Variants in HPSE2 observed in about 807,000 individuals in gnomAD.
HPSE2 encodes heparanase 2 (inactive), also known as inactive heparanase-2.
Under a neutral mutation model 60.5 loss-of-function variants are expected in HPSE2, and 38 were observed. The observed-to-expected ratio is 0.63, with a 90% CI of 0.48 to 0.82. The LOEUF (loss-of-function observed/expected upper bound fraction) is 0.82, where lower values mean the gene tolerates loss of function less well. Among genes scored for constraint, HPSE2 ranks in the 40% least tolerant of loss-of-function variants. The pLI, the probability that HPSE2 is intolerant of heterozygous loss-of-function variation, is 0.00. For missense variants in HPSE2, 713 were observed against 740.4 expected (o/e 0.96, Z 0.43); for synonymous variants, 295 against 293.2 (o/e 1.01, Z -0.06).
chr10:98,593,650 C>T (rs1945151408), intron 9 of HPSE2, among the ~76,000 whole-genome samples: 2 of 152,064 alleles, frequency 1.3e-5, no homozygotes, highest in Non-Finnish European at 2.9e-5. Context: ...AGACACATTG[C>T]TGAGATGGGC....
chr10:98,561,165 GTTC>G (rs1220111045), intron 9 of HPSE2, among the ~76,000 whole-genome samples: 1 of 145,068 alleles, frequency 6.9e-6, no homozygotes, highest in Non-Finnish European at 1.5e-5. Context: ...TTTTTTTTTT[GTTC>G]TTTTTTTTGT....
intron 2 of HPSE2, among the ~76,000 whole-genome samples, chr10:99,209,749 G>C (rs1480636908): frequency 6.6e-6 from 1 of 152,198 alleles, no homozygotes; most frequent in Non-Finnish European, 1.5e-5. Flanking sequence ...GAGTGCAGTG[G>C]CATGATCTTG....
chr10:98,498,251 C>T (rs1941917321), intron 9 of HPSE2, among the ~76,000 whole-genome samples: 1 of 152,112 alleles, frequency 6.6e-6, no homozygotes, highest in Non-Finnish European at 1.5e-5. Flanking sequence ...TTCTGCAGGA[C>T]CTGGGAGACA....
chr10:98,836,743 TC>T (rs2134674239), intron 3 of HPSE2, among the ~76,000 whole-genome samples: 1 of 152,278 alleles, frequency 6.6e-6, no homozygotes, highest in East Asian at 1.9e-4. Flanking sequence ...GGATAATCTT[TC>T]ATAAATAAAC....
chr10:99,186,778 C>CA (rs1374824637), intron 2 of HPSE2, among the ~76,000 whole-genome samples: 1 of 151,914 alleles, frequency 6.6e-6, no homozygotes, highest in Non-Finnish European at 1.5e-5. Flanking sequence ...GAATATATGT[C>CA]AAAAACATTT....
At chr10:99,201,366 C>A (rs994429781) in intron 2 of HPSE2, among the ~76,000 whole-genome samples, 1 of 152,108 alleles carries the variant, frequency 6.6e-6, no homozygotes, top group African/African-American at 2.4e-5. Flanking sequence ...GTCCTTCTAA[C>A]CTAGGCAACC....
chr10:99,148,653 G>A (rs924727574), intron 2 of HPSE2, among the ~76,000 whole-genome samples: 7 of 152,158 alleles, frequency 4.6e-5, no homozygotes, highest in African/African-American at 1.7e-4. Flanking sequence ...AGCCAGGCAT[G>A]GTGGCGCATG....
intron 11 of HPSE2, among the ~76,000 whole-genome samples, chr10:98,469,919 A>G (rs1021342684): frequency 6.6e-6 from 1 of 152,216 alleles, no homozygotes; most frequent in Non-Finnish European, 1.5e-5. Context: ...TCTCTTTCTC[A>G]TAATCCCATC....
At chr10:98,968,518 A>C (rs576640823) in intron 3 of HPSE2, among the ~76,000 whole-genome samples, 1 of 152,206 alleles carries the variant, frequency 6.6e-6, no homozygotes, top group Non-Finnish European at 1.5e-5. Context: ...GCAAAGAAAA[A>C]TAAGTTGTTA....
intron 9 of HPSE2, among the ~76,000 whole-genome samples, chr10:98,493,944 C>T (rs1341371637): frequency 6.6e-6 from 1 of 152,074 alleles, no homozygotes; most frequent in African/African-American, 2.4e-5. Context: ...ACCTTTTGTG[C>T]ATATTCTATA....
the HPSE2 span, among the ~76,000 whole-genome samples, chr10:99,298,310 T>C: frequency 6.6e-6 from 1 of 152,236 alleles, no homozygotes; most frequent in South Asian, 2.1e-4. Context: ...TAATCTACTT[T>C]TGTAACACCT....
At chr10:98,803,087 T>C (rs1374692003) in intron 3 of HPSE2, among the ~76,000 whole-genome samples, 132 of 151,946 alleles carry the variant, frequency 8.7e-4, no homozygotes, top group African/African-American at 3.0e-3. Context: ...GTGAGCATTT[T>C]TTCATGTGTT....
rs79198167 is a variant in HPSE2 at position 99,202,318 on chromosome 10, T to G, written c.448+30030A>C. 4.5e-3 allele frequency among the ~76,000 whole-genome samples: 682 copies of G among 152,294 alleles called. 2 individuals are homozygous for G. The highest frequency in any genetic ancestry group is 7.4e-3 in the Non-Finnish European group (503 of 68,020). ...GCCCCTATTTGGCTTTTAAATGTTATAAGGGTATTCAGAAATTCAATATAA... is the reference window on the plus strand; with the variant it reads ...GCCCCTATTTGGCTTTTAAATGTTAGAAGGGTATTCAGAAATTCAATATAA... On this transcript the variant is annotated intron_variant, in intron 2 of 11. Coordinates refer to ENST00000370552, the MANE Select transcript of HPSE2 (RefSeq NM_021828.5).
chr10:99,140,201 T>C (rs549235564), intron 3 of HPSE2, among the ~76,000 whole-genome samples: 1 of 152,316 alleles, frequency 6.6e-6, no homozygotes, highest in East Asian at 1.9e-4. Flanking sequence ...GAAGTGGAAG[T>C]CTCTTTTGCT....
chr10:98,664,301 A>G (rs1947302318), intron 6 of HPSE2, among the ~76,000 whole-genome samples: 1 of 152,038 alleles, frequency 6.6e-6, no homozygotes, highest in Non-Finnish European at 1.5e-5. Flanking sequence ...CCCAAGCAGG[A>G]GAAGAGCCCC....
intron 3 of HPSE2, among the ~76,000 whole-genome samples, chr10:99,111,917 A>T (rs1035233558): frequency 4.6e-5 from 7 of 152,236 alleles, no homozygotes; most frequent in Admixed American, 4.6e-4. Flanking sequence ...TATTTCAAAT[A>T]TTAAATATTG....
chr10:98,834,822 G>T, intron 3 of HPSE2, among the ~76,000 whole-genome samples: 1 of 151,184 alleles, frequency 6.6e-6, no homozygotes, highest in Admixed American at 6.6e-5. Context: ...ATTAGGCCAG[G>T]CTTTAAAAAG....
intron 9 of HPSE2, among the ~76,000 whole-genome samples, chr10:98,585,298 A>C (rs1310436712): frequency 2.0e-5 from 3 of 150,882 alleles, no homozygotes; most frequent in Non-Finnish European, 4.4e-5. Context: ...TTGAGATGGA[A>C]TCTCACTCTA....
At chr10:98,608,741 G>A (rs1448666286) in intron 9 of HPSE2, among the ~76,000 whole-genome samples, 1 of 152,106 alleles carries the variant, frequency 6.6e-6, no homozygotes, top group Non-Finnish European at 1.5e-5. Flanking sequence ...CCCCTAATGG[G>A]AGCATTGGGT....
Sources: allele counts gnomAD v4.1 joint callset (sites outside exome capture counted in the v4.1 genomes callset), GRCh38; gene constraint gnomAD v4.1.1; transcripts MANE v1.5; gene names NCBI Gene and HGNC (gene_info 2026-07-23, HGNC 2026-07-21).